Variants in KMT2C observed in about 807,000 individuals in gnomAD.
KMT2C encodes the protein lysine methyltransferase 2C.
KMT2C carries 88 observed loss-of-function variants against 507.9 expected under a neutral mutation model. That is an observed-to-expected ratio of 0.17 (90% CI 0.15 to 0.21). The LOEUF is 0.21. KMT2C is among the 10% of genes least tolerant of loss of function. KMT2C has a pLI of 1.00. For missense variants in KMT2C, 4,954 were observed against 5,957.8 expected (o/e 0.83, Z 5.55); for synonymous variants, 2,049 against 2,080.8 (o/e 0.98, Z 0.42).
chr7:152,280,195 C>A (rs2096178790), intron 6 of KMT2C, among the ~76,000 whole-genome samples: 1 of 152,090 alleles, frequency 6.6e-6, no homozygotes, highest in African/African-American at 2.4e-5. Context: ...CGAGGAAAAA[C>A]CAAAGAGTGG....
intron 3 of KMT2C, among the ~76,000 whole-genome samples, chr7:152,328,873 T>A (rs1410519244): frequency 6.6e-6 from 1 of 152,136 alleles, no homozygotes; most frequent in East Asian, 1.9e-4. Flanking sequence ...ACTGGCATTA[T>A]TTATTGAAAT....
At position 152,154,003 on chromosome 7, in the gene KMT2C, C is replaced by T. The variant is rs1197638695; in HGVS notation, c.12276+7G>A. On this transcript the variant is annotated splice_region_variant and intron_variant, in intron 48 of 58. Transcript: ENST00000262189. ...GTTTAACATTAAGAAGTCATTTAAT[C>T]TTTTACCTCAGCAGCTGTAGGATGC... is the stretch of plus-strand genomic sequence containing the variant. 1 of 1,612,798 alleles carries T rather than the reference C, an allele frequency of 6.2e-7. No homozygotes were observed. The highest frequency in any genetic ancestry group is 1.7e-4 in the Middle Eastern group (1 of 6,052).
chr7:152,432,381 AAAT>A (rs2097870797), intron 1 of KMT2C, among the ~76,000 whole-genome samples: 1 of 152,242 alleles, frequency 6.6e-6, no homozygotes, highest in Admixed American at 6.5e-5. Context: ...ATTAACACAA[AAAT>A]AATGAGATCT....
intron 18 of KMT2C, among the ~76,000 whole-genome samples, chr7:152,227,556 A>G (rs1374517183): frequency 1.3e-5 from 2 of 152,214 alleles, no homozygotes; most frequent in South Asian, 2.1e-4. Context: ...AGGGAGTCCT[A>G]TGATATTCTG....
chr7:152,379,021 C>G (rs1242259233), intron 1 of KMT2C, among the ~76,000 whole-genome samples: 1 of 152,160 alleles, frequency 6.6e-6, no homozygotes, highest in Non-Finnish European at 1.5e-5. Context: ...TGTTAGCCCT[C>G]TCTCCTTCAA....
intron 1 of KMT2C, among the ~76,000 whole-genome samples, chr7:152,430,087 C>T (rs2097852136): frequency 6.7e-6 from 1 of 149,944 alleles, no homozygotes; most frequent in Non-Finnish European, 1.5e-5. Flanking sequence ...CTGAGTCAGG[C>T]GAATCGCTTG....
intron 1 of KMT2C, among the ~76,000 whole-genome samples, chr7:152,391,128 A>G (rs1382343676): frequency 1.0e-5 from 1 of 99,786 alleles, no homozygotes; most frequent in Non-Finnish European, 1.8e-5. Context: ...TGGGCGACAG[A>G]GTGAGACTGT....
intron 2 of KMT2C, among the ~76,000 whole-genome samples, chr7:152,335,702 T>C (rs1391103346): frequency 6.6e-6 from 1 of 152,184 alleles, no homozygotes; most frequent in Admixed American, 6.5e-5. Flanking sequence ...ACATAGCACT[T>C]TTATTATTTT....
chr7:152,182,847 G>GA (rs1273868348), intron 35 of KMT2C, 127 bp downstream of exon 35: 2 of 710,092 alleles, frequency 2.8e-6, no homozygotes, highest in Non-Finnish European at 4.5e-6. Context: ...ACTGAAAAGA[G>GA]AAACAAGTCT....
At chr7:152,193,954 C>T in intron 31 of KMT2C, 55 bp downstream of exon 31, 3 of 1,407,072 alleles carry the variant, frequency 2.1e-6, no homozygotes, top group Non-Finnish European at 1.9e-6. Context: ...TATATGTACC[C>T]ACATATATAC....
At chr7:152,276,747 C>T (rs2096087730) in intron 6 of KMT2C, among the ~76,000 whole-genome samples, 1 of 149,846 alleles carries the variant, frequency 6.7e-6, no homozygotes. Flanking sequence ...AAGTGAGAAC[C>T]AGTCTATAAA....
chr7:152,147,664 G>A (rs1056714044), intron 52 of KMT2C, among the ~76,000 whole-genome samples: 1 of 138,826 alleles, frequency 7.2e-6, no homozygotes, highest in East Asian at 2.1e-4. Flanking sequence ...CTGAGATCGC[G>A]CCATTGCAGT....
intron 6 of KMT2C, among the ~76,000 whole-genome samples, chr7:152,292,405 A>C (rs7792345): frequency 0.03 from 4,508 of 152,240 alleles, 224 homozygotes; most frequent in African/African-American, 0.1. Flanking sequence ...GCAATTTGAA[A>C]TATATGTGCT....
At position 152,259,446 on chromosome 7, in the gene KMT2C, G is replaced by GCGCGCA. The variant is rs1188729137; in HGVS notation, c.1299+3569_1299+3570insTGCGCG. On this transcript the variant is annotated intron_variant, in intron 9 of 58. Transcript: ENST00000262189. ...GACAAAAACACAGACACACACACGC[G>GCGCGCA]CACACACACACACACACACACACAC... Among the ~76,000 whole-genome samples, 222 of 134,770 alleles carry GCGCGCA rather than the reference G, an allele frequency of 1.6e-3. 2 individuals are homozygous for GCGCGCA. Among genetic ancestry groups the GCGCGCA allele is most frequent in the Middle Eastern group, 7.5e-3 (2 of 268 alleles). 88.4% of individuals were successfully genotyped at this position (134,770 alleles called of 152,430 possible).
At position 152,435,953 on chromosome 7, in the gene KMT2C, A is replaced by G. The variant is rs914011292; in HGVS notation, c.-167T>C. On this transcript the variant is annotated 5_prime_UTR_variant, in exon 1 of 59. It removes an upstream start codon present in the reference 5' UTR. Coordinates refer to ENST00000262189, the MANE Select transcript of KMT2C (RefSeq NM_170606.3). ...AGCAGGTACCGGGAGAGGCGGCAAC[A>G]TGGAGCGAGCAGGACACGCACTCAC... is the stretch of plus-strand genomic sequence containing the variant. 1.0e-5 allele frequency: 6 copies of G among 594,736 alleles called. No individual in the cohort carries two copies. The highest frequency in any genetic ancestry group is 1.6e-5 in the Non-Finnish European group (6 of 379,490). 36.8% of individuals were successfully genotyped at this position (594,736 alleles called of 1,614,324 possible).
At chr7:152,289,040 T>C (rs1181102590) in intron 6 of KMT2C, among the ~76,000 whole-genome samples, 1 of 152,308 alleles carries the variant, frequency 6.6e-6, no homozygotes, top group Non-Finnish European at 1.5e-5. Context: ...AGAAAAGTTA[T>C]TGAACCAGAA....
chr7:152,359,545 G>A (rs2097179044), intron 1 of KMT2C, among the ~76,000 whole-genome samples: 1 of 151,830 alleles, frequency 6.6e-6, no homozygotes, highest in South Asian at 2.1e-4. Context: ...CGAGTTAGAT[G>A]GATCATTTGA....
At chr7:152,377,601 GGC>G (rs1036205887) in intron 1 of KMT2C, among the ~76,000 whole-genome samples, 6 of 152,018 alleles carry the variant, frequency 3.9e-5, no homozygotes, top group African/African-American at 1.4e-4. Context: ...CGGGCGTGGT[GGC>G]ACACACCTGT....
In KMT2C at chr7:152,224,420, C is replaced by G; in HGVS notation, c.3158+15G>C. 6.3e-7 allele frequency: 1 copy of G among 1,599,484 alleles called. No homozygotes were observed. Among genetic ancestry groups the G allele is most frequent in the Non-Finnish European group, 8.5e-7 (1 of 1,170,176 alleles). ...GAACTTGAAAGACTAACAAGGCAAACAAACCCTAGAGTACCATTTGCACTT... is the reference window on the plus strand; with the variant it reads ...GAACTTGAAAGACTAACAAGGCAAAGAAACCCTAGAGTACCATTTGCACTT... On this transcript the variant is annotated intron_variant, in intron 19 of 58. Transcript: ENST00000262189.
Sources: allele counts gnomAD v4.1 joint callset (sites outside exome capture counted in the v4.1 genomes callset), GRCh38; gene constraint gnomAD v4.1.1; transcripts MANE v1.5; gene names NCBI Gene and HGNC (gene_info 2026-07-23, HGNC 2026-07-21).